Variants in PGAP2 observed in about 807,000 individuals in gnomAD.
The protein encoded by PGAP2 is post-GPI attachment to proteins 2.
A neutral mutation model predicts 33.2 loss-of-function variants in PGAP2; 21 were observed. The ratio of observed to expected loss-of-function variants is 0.63; its 90% CI spans 0.45 to 0.91. The LOEUF is 0.91. Ranked by LOEUF, PGAP2 falls within the 40% of genes least tolerant of loss-of-function variation. PGAP2 has a pLI of 0.00. For missense variants in PGAP2, 345 were observed against 424.0 expected, an observed-to-expected ratio of 0.81 and a Z score of 1.64; for synonymous variants, 161 against 172.9, an observed-to-expected ratio of 0.93 and a Z score of 0.54.
At position 3,810,793 on chromosome 11, in the gene PGAP2, A is replaced by G. The variant is rs541842913; in HGVS notation, c.-10-457A>G. Among the ~76,000 whole-genome samples, 7 of 152,272 alleles carry G rather than the reference A, an allele frequency of 4.6e-5. No homozygotes were observed. In the South Asian group the frequency reaches 1.5e-3, roughly 32 times the overall value. On this transcript the variant is annotated intron_variant, in intron 1 of 6. Transcript: ENST00000278243. ...GCAGGAGGGCCCTGGGCCAGTGGGGAAGCAAATGAGAGCTGATGAGAGGCC... is the reference window on the plus strand; with the variant it reads ...GCAGGAGGGCCCTGGGCCAGTGGGGGAGCAAATGAGAGCTGATGAGAGGCC...
intron 2 of PGAP2, chr11:3,816,125 G>A (rs1242387880): frequency 6.5e-6 from 1 of 152,764 alleles, no homozygotes; most frequent in African/African-American, 2.4e-5. Flanking sequence ...GCCTGGGCAG[G>A]CGTGGAGAAT....
intron 1 of PGAP2, among the ~76,000 whole-genome samples, chr11:3,799,877 G>A (rs1329403451): frequency 2.6e-5 from 4 of 152,104 alleles, no homozygotes; most frequent in Admixed American, 2.6e-4. Context: ...TGAAGTAGGA[G>A]GATCGTTTGA....
At position 3,799,434 on chromosome 11, in the gene PGAP2, G is replaced by A. The variant is rs540382472; in HGVS notation, c.139+1452G>A. On this transcript the variant is annotated intron_variant, in intron 1 of 6. Transcript: ENST00000300730. ...GCACCTATAATCCCAGCTGCTTCTCGGTTTGCTGAGGCACGAGAATGGCTT... is the reference window on the plus strand; with the variant it reads ...GCACCTATAATCCCAGCTGCTTCTCAGTTTGCTGAGGCACGAGAATGGCTT... 5.3e-5 allele frequency among the ~76,000 whole-genome samples: 8 copies of A among 152,148 alleles called. No individual in the cohort carries two copies. In the South Asian group the frequency reaches 1.7e-3, roughly 32 times the overall value.
At chr11:3,813,166 G>A (rs1015560234) in intron 2 of PGAP2, among the ~76,000 whole-genome samples, 4 of 152,168 alleles carry the variant, frequency 2.6e-5, no homozygotes, top group Middle Eastern at 3.2e-3. Flanking sequence ...CCAACCAGAT[G>A]GGGATCTCCT....
At chr11:3,805,744 T>A (rs2084207391), upstream of PGAP2, among the ~76,000 whole-genome samples, 4 of 151,602 alleles carry the variant, frequency 2.6e-5, no homozygotes, top group South Asian at 8.3e-4. Context: ...TGGAGTGCAG[T>A]GGCGCGATCT....
rs554249230 is a variant in PGAP2 at position 3,819,855 on chromosome 11, C to T, written c.348+2320C>T. 7.9e-5 allele frequency among the ~76,000 whole-genome samples: 12 copies of T among 151,984 alleles called. No individual in the cohort carries two copies. In the East Asian group the frequency reaches 2.1e-3, roughly 27 times the overall value. ...GTGTATGTGTCTGTGTGTATATGTG[C>T]GTGTGTGTGTACATGATGGAAGAGA... On this transcript the variant is annotated intron_variant, in intron 3 of 6. Coordinates refer to ENST00000278243, the MANE Select transcript of PGAP2 (RefSeq NM_014489.4).
chr11:3,814,760 C>CTT (rs1206314082), intron 2 of PGAP2, among the ~76,000 whole-genome samples: 1 of 74,332 alleles, frequency 1.3e-5, no homozygotes, highest in Non-Finnish European at 3.3e-5. Context: ...TTCTTTCTTT[C>CTT]TTTCTTTCTT....
rs2086451487 is a variant in PGAP2 at position 3,814,760 on chromosome 11, CTTT to C, written c.166-2592_166-2590del. 2.6e-4 allele frequency among the ~76,000 whole-genome samples: 19 copies of C among 74,398 alleles called. No homozygotes were observed. In the South Asian group the frequency reaches 7.9e-3, roughly 31 times the overall value. The allele number at this position is 74,398 out of a possible 152,430, so 48.8% of individuals were successfully genotyped here. On this transcript the variant is annotated intron_variant, in intron 2 of 6. Coordinates refer to ENST00000278243, the MANE Select transcript of PGAP2 (RefSeq NM_014489.4). ...CCTTCTTTCCTTCTTTTCTTTCTTT[CTTT>C]CTTTCTTTCTTTCTTTCTTTCTTTC...
chr11:3,806,341 T>G (rs1256377162), upstream of PGAP2, among the ~76,000 whole-genome samples: 2 of 151,874 alleles, frequency 1.3e-5, no homozygotes, highest in Admixed American at 6.6e-5. Flanking sequence ...TTTGTAAAGT[T>G]TTGCTAGTCC....
chr11:3,806,299 C>G (rs1023988920), upstream of PGAP2, among the ~76,000 whole-genome samples: 1 of 151,980 alleles, frequency 6.6e-6, no homozygotes, highest in African/African-American at 2.4e-5. Flanking sequence ...AAACCTGAAT[C>G]TAGTTGCCAA....
In PGAP2 at chr11:3,825,438, C is replaced by T; in HGVS notation, c.928C>T (p.Pro310Ser). Residue 310 changes from proline (P) to serine (S), a missense_variant, in exon 7 of 7, where the codon CCT (proline) becomes TCT (serine). Pro to Ser is a moderately conservative substitution (Grantham distance 74). Around this residue, in one of 2 missense-constraint regions of PGAP2, gnomAD observed 311 missense variants for 353.6 expected, o/e 0.88. Coordinates refer to ENST00000278243, the MANE Select transcript of PGAP2 (RefSeq NM_014489.4). ...GNKELLITSQ[P>S]EEKRF ...CAAGGAGCTGCTCATAACCTCTCAG[C>T]CTGAGGAAAAGCGATTCTGAACCCT... The T allele has an allele frequency of 6.2e-7, 1 of 1,613,520 alleles. No homozygotes were observed. Among genetic ancestry groups the T allele is most frequent in the Non-Finnish European group, 8.5e-7 (1 of 1,179,960 alleles).
intron 1 of PGAP2, among the ~76,000 whole-genome samples, chr11:3,800,074 A>C (rs962361698): frequency 6.6e-6 from 1 of 152,208 alleles, no homozygotes; most frequent in Non-Finnish European, 1.5e-5. Context: ...AAGAAAATCA[A>C]TATATGGTTG....
At chr11:3,824,564 C>A in intron 5 of PGAP2, 188 bp downstream of exon 5, 1 of 861,454 alleles carries the variant, frequency 1.2e-6, no homozygotes, top group Non-Finnish European at 1.8e-6. Flanking sequence ...AGGACTATAG[C>A]ACTGTGTTTG....
At chr11:3,820,686 G>A (rs894380067) in intron 3 of PGAP2, among the ~76,000 whole-genome samples, 24 of 152,022 alleles carry the variant, frequency 1.6e-4, no homozygotes, top group East Asian at 3.9e-4. Context: ...AATTAGCTGC[G>A]TGTGGTGGCA....
rs367568575 is a variant in PGAP2 at position 3,821,165 on chromosome 11, T to C, written c.349-2718T>C. 1.6e-4 allele frequency among the ~76,000 whole-genome samples: 25 copies of C among 152,284 alleles called. 1 individual carries two copies. The highest frequency in any genetic ancestry group is 6.0e-4 in the African/African-American group (25 of 41,588). On this transcript the variant is annotated intron_variant, in intron 3 of 6. Coordinates refer to ENST00000278243, the MANE Select transcript of PGAP2 (RefSeq NM_014489.4). ...TGCAGAAGGGAATCCATCTCCTTTTTTGTGGAGGCTGTGAAGCCCCATGGC... is the reference window on the plus strand; with the variant it reads ...TGCAGAAGGGAATCCATCTCCTTTTCTGTGGAGGCTGTGAAGCCCCATGGC...
exon 1 of PGAP2, chr11:3,797,973 G>C: frequency 1.3e-6 from 2 of 1,546,878 alleles, no homozygotes; most frequent in Non-Finnish European, 1.7e-6. Context: ...GACGGCCCCA[G>C]AATGGCATGG....
chr11:3,805,209 G>A (rs1346069338), upstream of PGAP2, among the ~76,000 whole-genome samples: 1 of 151,728 alleles, frequency 6.6e-6, no homozygotes, highest in Non-Finnish European at 1.5e-5. Flanking sequence ...CCACATGGCT[G>A]GCACACTGCT....
At chr11:3,798,886 G>T (rs1475351733) in intron 1 of PGAP2, among the ~76,000 whole-genome samples, 1 of 145,966 alleles carries the variant, frequency 6.9e-6, no homozygotes, top group South Asian at 2.2e-4. Context: ...CAGGTGATCC[G>T]CCCGCCTCGG....
At chr11:3,822,174 C>T (rs2088877272) in intron 3 of PGAP2, among the ~76,000 whole-genome samples, 2 of 151,684 alleles carry the variant, frequency 1.3e-5, no homozygotes, top group Admixed American at 1.3e-4. Context: ...ACCATCCTGG[C>T]TAACACGGTG....
Sources: allele counts gnomAD v4.1 joint callset (sites outside exome capture counted in the v4.1 genomes callset), GRCh38; gene constraint gnomAD v4.1.1; regional missense constraint gnomAD v4.1.1; transcripts MANE v1.5; gene names NCBI Gene and HGNC (gene_info 2026-07-23, HGNC 2026-07-21).